MBD5: variants seen among roughly 807,000 people sequenced by gnomAD.
MBD5 encodes methyl-CpG-binding domain protein 5.
In MBD5, 13 loss-of-function variants were observed where a neutral mutation model predicts 117.3. That is an observed-to-expected ratio of 0.11 (90% confidence interval 0.07 to 0.18). The LOEUF (loss-of-function observed/expected upper bound fraction) is 0.18, where lower values mean the gene tolerates loss of function less well. Among genes scored for constraint, MBD5 ranks in the 10% least tolerant of loss-of-function variants. MBD5 has a pLI of 1.00. For synonymous variants in MBD5, 727 were observed against 766.4 expected (o/e 0.95, Z 0.85); for missense variants, 1,879 against 2,093.8 (o/e 0.90, Z 2.00).
At chr2:148,341,955 A>C in intron 3 of MBD5, among the ~76,000 whole-genome samples, 1 of 152,116 alleles carries the variant, frequency 6.6e-6, no homozygotes, top group Middle Eastern at 3.4e-3. Context: ...TTTATCAATA[A>C]TTTTTAATTT....
chr2:148,405,519 G>A (rs1398904464), intron 4 of MBD5, among the ~76,000 whole-genome samples: 2 of 148,024 alleles, frequency 1.4e-5, no homozygotes, highest in South Asian at 2.1e-4. Flanking sequence ...GAATAAGTTC[G>A]ACATGTTCAA....
At chr2:148,411,283 A>G (rs1346335042) in intron 4 of MBD5, among the ~76,000 whole-genome samples, 1 of 152,032 alleles carries the variant, frequency 6.6e-6, no homozygotes, top group Admixed American at 6.6e-5. Flanking sequence ...GGTTGATTCC[A>G]TGCCCATAAT....
intron 1 of MBD5, among the ~76,000 whole-genome samples, chr2:148,160,762 A>G (rs1466057426): frequency 2.0e-5 from 3 of 152,168 alleles, no homozygotes; most frequent in African/African-American, 4.8e-5. Flanking sequence ...AGTCCACCGA[A>G]TTTTAATTTG....
intron 3 of MBD5, among the ~76,000 whole-genome samples, chr2:148,292,986 A>G (rs1336555850): frequency 2.6e-5 from 4 of 152,048 alleles, no homozygotes; most frequent in South Asian, 2.1e-4. Flanking sequence ...AAAGACAAAC[A>G]AATGCATGCT....
At chr2:148,137,939 A>C (rs1029702615) in intron 1 of MBD5, among the ~76,000 whole-genome samples, 1 of 152,142 alleles carries the variant, frequency 6.6e-6, no homozygotes, top group African/African-American at 2.4e-5. Context: ...GTTTTTGTAA[A>C]TACACTCTGT....
intron 1 of MBD5, among the ~76,000 whole-genome samples, chr2:148,101,930 T>A (rs760195503): frequency 1.3e-5 from 2 of 152,210 alleles, no homozygotes; most frequent in Non-Finnish European, 2.9e-5. Context: ...TACACACACA[T>A]AGGCTGAACA....
chr2:148,043,591 G>T (rs1694437288), intron 1 of MBD5, among the ~76,000 whole-genome samples: 1 of 152,144 alleles, frequency 6.6e-6, no homozygotes, highest in African/African-American at 2.4e-5. Context: ...CTGCTCTAGA[G>T]CTTTATGGAT....
intron 1 of MBD5, among the ~76,000 whole-genome samples, chr2:148,072,265 G>T (rs1695377672): frequency 6.6e-6 from 1 of 152,066 alleles, no homozygotes; most frequent in South Asian, 2.1e-4. Context: ...CCTGAAATCT[G>T]CATAGTAAAA....
At chr2:148,444,452 ATTAC>A in intron 4 of MBD5, among the ~76,000 whole-genome samples, 1 of 151,396 alleles carries the variant, frequency 6.6e-6, no homozygotes, top group African/African-American at 2.5e-5. Flanking sequence ...GAAAATATTT[ATTAC>A]TTCATCACTT....
intron 4 of MBD5, among the ~76,000 whole-genome samples, chr2:148,366,353 A>G (rs967652748): frequency 1.3e-5 from 2 of 152,190 alleles, no homozygotes; most frequent in African/African-American, 2.4e-5. Flanking sequence ...ATTTATGACA[A>G]ACCCACAGCC....
At chr2:148,428,349 C>T (rs2105321267) in intron 4 of MBD5, among the ~76,000 whole-genome samples, 1 of 152,024 alleles carries the variant, frequency 6.6e-6, no homozygotes, top group East Asian at 1.9e-4. Context: ...TAAGAGAGGA[C>T]ACAAATAAAT....
intron 3 of MBD5, among the ~76,000 whole-genome samples, chr2:148,267,498 A>G (rs1255124062): frequency 6.6e-6 from 1 of 152,212 alleles, no homozygotes; most frequent in Admixed American, 6.5e-5. Flanking sequence ...GAATCACATC[A>G]CATTAATTCT....
At chr2:148,022,850 G>T (rs1693798342) in intron 1 of MBD5, among the ~76,000 whole-genome samples, 1 of 152,094 alleles carries the variant, frequency 6.6e-6, no homozygotes, top group African/African-American at 2.4e-5. Flanking sequence ...TAACAATATT[G>T]ATAAAAATCA....
intron 3 of MBD5, among the ~76,000 whole-genome samples, chr2:148,327,332 G>A (rs915322494): frequency 2.6e-5 from 4 of 151,848 alleles, no homozygotes; most frequent in Non-Finnish European, 4.4e-5. Context: ...TGCTCTTCTC[G>A]AGGAGTATCT....
chr2:148,160,478 A>G (rs541294795), intron 1 of MBD5, among the ~76,000 whole-genome samples: 47 of 152,318 alleles, frequency 3.1e-4, no homozygotes, highest in Non-Finnish European at 4.7e-4. Flanking sequence ...TGGATATTAC[A>G]ATAAACAATG....
intron 4 of MBD5, among the ~76,000 whole-genome samples, chr2:148,430,832 T>G (rs976951314): frequency 6.6e-6 from 1 of 152,142 alleles, no homozygotes; most frequent in South Asian, 2.1e-4. Flanking sequence ...CAATTAAGTA[T>G]TACTTTTGTA....
In MBD5 at chr2:148,489,931, G is replaced by A. The variant is rs768338727; in HGVS notation, c.4299G>A (p.Glu1433=). The change falls in exon 11 of 14, where the codon GAG becomes GAA. Residue 1433 remains glutamate, a synonymous_variant. Coordinates refer to ENST00000642680, the MANE Select transcript of MBD5 (RefSeq NM_001378120.1). ...CHTSKKQWDG[E]QSPRGERNRW... ...CATCCAAAAAACAGTGGGACGGGGAGCAAAGCCCCAGAGGGGAGCGAAACA... is the reference window on the plus strand; with the variant it reads ...CATCCAAAAAACAGTGGGACGGGGAACAAAGCCCCAGAGGGGAGCGAAACA... 1.9e-6 allele frequency: 3 copies of A among 1,614,064 alleles called. No homozygotes were observed. Among genetic ancestry groups the A allele is most frequent in the Non-Finnish European group, 2.5e-6 (3 of 1,180,002 alleles).
At chr2:148,293,249 T>G (rs1411828517) in intron 3 of MBD5, among the ~76,000 whole-genome samples, 1 of 150,474 alleles carries the variant, frequency 6.6e-6, no homozygotes, top group African/African-American at 2.5e-5. Context: ...GGAAGGGTAG[T>G]AGGGGATTGG....
chr2:148,389,234 T>C (rs1305853513), intron 4 of MBD5, among the ~76,000 whole-genome samples: 4 of 63,636 alleles, frequency 6.3e-5, no homozygotes, highest in South Asian at 1.7e-3. Context: ...TAATGTGATA[T>C]AAATAGGAAA....
Sources: allele counts gnomAD v4.1 joint callset (sites outside exome capture counted in the v4.1 genomes callset), GRCh38; gene constraint gnomAD v4.1.1; transcripts MANE v1.5; gene names NCBI Gene and HGNC (gene_info 2026-07-23, HGNC 2026-07-21).